Variants in ZMAT4 observed in about 807,000 individuals in gnomAD.
ZMAT4 encodes zinc finger matrin-type 4.
ZMAT4 carries 17 observed loss-of-function variants against 28.7 expected under a neutral mutation model. The observed-to-expected ratio is 0.59, with a 90% CI of 0.41 to 0.89. ZMAT4 has a LOEUF of 0.89. Ranked by LOEUF, ZMAT4 falls within the 40% of genes least tolerant of loss-of-function variation. The pLI is 0.00. For synonymous variants in ZMAT4, 117 were observed against 109.2 expected, an observed-to-expected ratio of 1.07 and a Z score of -0.44; for missense variants, 240 against 283.8, an observed-to-expected ratio of 0.85 and a Z score of 1.11.
chr8:40,759,797 C>T (rs1450941735), intron 3 of ZMAT4, among the ~76,000 whole-genome samples: 1 of 152,162 alleles, frequency 6.6e-6, no homozygotes, highest in Non-Finnish European at 1.5e-5. Flanking sequence ...AATCTCCCAT[C>T]CTTTTCTGTT....
At chr8:40,659,582 A>AT (rs1220334858) in intron 5 of ZMAT4, among the ~76,000 whole-genome samples, 3 of 152,194 alleles carry the variant, frequency 2.0e-5, no homozygotes, top group African/African-American at 7.2e-5. Flanking sequence ...ATCATTAAAC[A>AT]TAAGCTTGAA....
At chr8:40,788,911 A>G (rs1814200828) in intron 2 of ZMAT4, among the ~76,000 whole-genome samples, 1 of 150,126 alleles carries the variant, frequency 6.7e-6, no homozygotes, top group Non-Finnish European at 1.5e-5. Flanking sequence ...TCCAAGGTAG[A>G]TTTAACATTT....
chr8:40,669,928 G>A (rs1293736881), intron 5 of ZMAT4, among the ~76,000 whole-genome samples: 1 of 152,116 alleles, frequency 6.6e-6, no homozygotes, highest in African/African-American at 2.4e-5. Context: ...GAGAGATAGA[G>A]GATGTTCATG....
Position 40,659,667 on chromosome 8 carries a change from C to T in ZMAT4, c.577+15037G>A, listed in dbSNP as rs527271382. Among the ~76,000 whole-genome samples, 7 of 152,232 alleles carry T rather than the reference C, an allele frequency of 4.6e-5. No individual in the cohort carries two copies. The East Asian group carries it at 1.2e-3, about 25-fold the overall frequency. ...TTCACAGACTCACAATTTATTGTTC[C>T]TCTGTGGTACAGACTGACCTAGAAG... On this transcript the variant is annotated intron_variant, in intron 5 of 6. Coordinates refer to ENST00000297737, the MANE Select transcript of ZMAT4 (RefSeq NM_024645.3).
intron 3 of ZMAT4, among the ~76,000 whole-genome samples, chr8:40,732,860 T>C (rs1029340846): frequency 6.8e-6 from 1 of 147,446 alleles, no homozygotes; most frequent in Admixed American, 6.7e-5. Flanking sequence ...TTTTTTTTTT[T>C]TTGAGTTGGG....
At chr8:40,839,471 A>G (rs1427396585) in intron 1 of ZMAT4, among the ~76,000 whole-genome samples, 2 of 152,244 alleles carry the variant, frequency 1.3e-5, no homozygotes, top group African/African-American at 2.4e-5. Flanking sequence ...TCCCACCACC[A>G]GGTATCTACC....
At chr8:40,608,332 C>G (rs1048139006) in intron 5 of ZMAT4, among the ~76,000 whole-genome samples, 2 of 152,104 alleles carry the variant, frequency 1.3e-5, no homozygotes, top group Non-Finnish European at 2.9e-5. Context: ...TCTGCTGCAT[C>G]ATCTAGGTCA....
chr8:40,628,918 A>C (rs1488239386), intron 5 of ZMAT4, among the ~76,000 whole-genome samples: 1 of 152,250 alleles, frequency 6.6e-6, no homozygotes. Flanking sequence ...ACACCATACA[A>C]TGGAAATGAA....
chr8:40,818,236 C>T (rs1815620181), intron 2 of ZMAT4, among the ~76,000 whole-genome samples: 1 of 152,154 alleles, frequency 6.6e-6, no homozygotes, highest in African/African-American at 2.4e-5. Flanking sequence ...AGGTAAGATG[C>T]CCATGCTGGC....
chr8:40,626,707 C>A (rs1463141954), intron 5 of ZMAT4, among the ~76,000 whole-genome samples: 2 of 152,086 alleles, frequency 1.3e-5, no homozygotes, highest in Non-Finnish European at 2.9e-5. Flanking sequence ...GCCTCTGTGA[C>A]CAAATAAAAA....
At chr8:40,603,013 T>C (rs1021009934) in intron 5 of ZMAT4, among the ~76,000 whole-genome samples, 1 of 152,186 alleles carries the variant, frequency 6.6e-6, no homozygotes, top group African/African-American at 2.4e-5. Flanking sequence ...GTTTATCTCA[T>C]GTTATCTTCT....
chr8:40,788,538 T>C (rs554421754), intron 2 of ZMAT4, among the ~76,000 whole-genome samples: 48 of 152,204 alleles, frequency 3.2e-4, no homozygotes, highest in Admixed American at 5.2e-4. Context: ...TGAGCTGAGA[T>C]TGCACCACTG....
chr8:40,556,209 A>G (rs1233340580), intron 6 of ZMAT4, among the ~76,000 whole-genome samples: 6 of 152,140 alleles, frequency 3.9e-5, no homozygotes, highest in Non-Finnish European at 8.8e-5. Flanking sequence ...CTACCGCTAG[A>G]TGAGAATTCT....
intron 4 of ZMAT4, among the ~76,000 whole-genome samples, chr8:40,678,589 C>G (rs1585865380): frequency 6.6e-6 from 1 of 152,186 alleles, no homozygotes; most frequent in South Asian, 2.1e-4. Context: ...GCTTATAAAG[C>G]ATTTACTCAC....
At chr8:40,601,517 GAA>G (rs1398621946) in intron 5 of ZMAT4, among the ~76,000 whole-genome samples, 52 of 143,002 alleles carry the variant, frequency 3.6e-4, no homozygotes, top group Non-Finnish European at 4.6e-4. Flanking sequence ...AAGAGAAAGA[GAA>G]AGAAAGAGGG....
chr8:40,715,701 C>T (rs910453410), intron 3 of ZMAT4, among the ~76,000 whole-genome samples: 5 of 152,136 alleles, frequency 3.3e-5, no homozygotes, highest in African/African-American at 1.2e-4. Flanking sequence ...GATCTCCTTT[C>T]GCTCTTTGGA....
intron 6 of ZMAT4, among the ~76,000 whole-genome samples, chr8:40,556,916 T>C (rs540276904): frequency 6.6e-6 from 1 of 152,216 alleles, no homozygotes; most frequent in South Asian, 2.1e-4. Context: ...TGCTAATGAG[T>C]ATTAGGGCTT....
intron 1 of ZMAT4, among the ~76,000 whole-genome samples, chr8:40,836,079 C>T (rs902541104): frequency 6.6e-6 from 1 of 152,154 alleles, no homozygotes; most frequent in East Asian, 1.9e-4. Context: ...GAAATCTTTC[C>T]GTTAGAACTT....
At chr8:40,726,763 T>C (rs1811331843) in intron 3 of ZMAT4, among the ~76,000 whole-genome samples, 1 of 152,210 alleles carries the variant, frequency 6.6e-6, no homozygotes, top group South Asian at 2.1e-4. Context: ...ACAGCAGAGT[T>C]GAGGAGTGGC....
Sources: gnomAD v4.1 joint callset for allele counts (sites outside exome capture counted in the v4.1 genomes callset) on GRCh38, gnomAD v4.1.1 for gene constraint, MANE v1.5 for transcripts, NCBI Gene and HGNC (gene_info 2026-07-23, HGNC 2026-07-21) for gene names.